Variants in IAH1 observed in about 807,000 individuals in gnomAD.
IAH1 encodes the protein isoamyl acetate hydrolyzing esterase 1 (putative), also known as isoamyl acetate-hydrolyzing esterase 1 homolog.
IAH1 carries 24 observed loss-of-function variants against 26.7 expected under a neutral mutation model. The ratio of observed to expected loss-of-function variants is 0.90; its 90% CI spans 0.65 to 1.26. IAH1 has a LOEUF of 1.26. Ranked by LOEUF, IAH1 falls within the 50% of genes most tolerant of loss-of-function variation. The pLI is 0.00. For synonymous variants in IAH1, 140 were observed against 118.5 expected (o/e 1.18, Z -1.18); for missense variants, 300 against 299.9 (o/e 1.00, Z 0.00).
At chr2:9,492,589 C>A (rs12473402), downstream of IAH1, among the ~76,000 whole-genome samples, 77,180 of 152,010 alleles carry the variant, frequency 0.51, 20,544 homozygotes, top group Middle Eastern at 0.67. Context: ...AAATGCTCTT[C>A]AATAAGGGCT....
chr2:9,491,040 C>A, downstream of IAH1: 2 of 1,495,716 alleles, frequency 1.3e-6, no homozygotes, highest in South Asian at 2.4e-5. Flanking sequence ...AGGTGAAGGT[C>A]TTTGCCTAAC....
chr2:9,491,248 T>C (rs1662118636), downstream of IAH1: 1 of 1,134,624 alleles, frequency 8.8e-7, no homozygotes, highest in South Asian at 1.5e-5. Context: ...ACTGAAGAAC[T>C]TAGAACCTGA....
At chr2:9,494,916 C>A (rs1465610528) in intron 6 of IAH1, 2 of 926,094 alleles carry the variant, frequency 2.2e-6, no homozygotes, top group Non-Finnish European at 3.1e-6. Context: ...ATAGCCCCCA[C>A]CAAGGAGTAG....
In IAH1 at chr2:9,488,578, CTA is replaced by C. The variant is rs1443870336; in HGVS notation, c.*251_*252del. 1.7e-4 allele frequency: 55 copies of C among 324,558 alleles called. No homozygotes were observed. The highest frequency in any genetic ancestry group is 1.0e-3 in the East Asian group (20 of 19,998). The allele number at this position is 324,558 out of a possible 1,614,324, so 20.1% of individuals were successfully genotyped here. A position where few individuals can be genotyped will look rare whatever the true frequency, so the allele number is the denominator to read the frequency against. On this transcript the variant is annotated 3_prime_UTR_variant, in exon 6 of 6. Coordinates refer to ENST00000497473, the MANE Select transcript of IAH1 (RefSeq NM_001039613.3). ...TTGTTAATTCTATAAATGACAAAGA[CTA>C]TGTTTTTAAAAAGTCACAATTTTAT...
the IAH1 span, among the ~76,000 whole-genome samples, chr2:9,507,853 C>T: frequency 6.6e-6 from 1 of 152,194 alleles, no homozygotes; most frequent in Admixed American, 6.5e-5. Flanking sequence ...GCTGGGACTA[C>T]AAGCATGTGC....
chr2:9,488,268 A>G lies in IAH1; in HGVS notation c.686A>G (p.Tyr229Cys), dbSNP rs768204444. 3 of 1,613,640 alleles carry G rather than the reference A, an allele frequency of 1.9e-6. No homozygotes were observed. The highest frequency in any genetic ancestry group is 2.5e-6 in the Non-Finnish European group (3 of 1,179,938). The change falls in exon 6 of 6, where the codon TAC becomes TGC. Residue 229 changes from tyrosine to cysteine, a missense_variant. Tyr to Cys is a radical substitution (Grantham distance 194). Transcript: ENST00000497473. Reference sequence around the variant, plus strand: ...TCTTCTCTACCTTTGCTGCTTCCTTACTGGCGGGATGTAGCAGAAGCAAAA... The same window carrying G: ...TCTTCTCTACCTTTGCTGCTTCCTTGCTGGCGGGATGTAGCAGAAGCAAAA... ...KVSSLPLLLP[Y>C]WRDVAEAKPE...
chr2:9,491,157 A>G, downstream of IAH1: 1 of 1,611,394 alleles, frequency 6.2e-7, no homozygotes, highest in East Asian at 2.2e-5. Context: ...TTATCCTAGA[A>G]AGAAACAGCA....
At chr2:9,502,806 G>A in the IAH1 span, among the ~76,000 whole-genome samples, 1 of 146,818 alleles carries the variant, frequency 6.8e-6, no homozygotes, top group Non-Finnish European at 1.5e-5. Context: ...CTGGACCCCG[G>A]AGACAGAGGT....
At chr2:9,478,173 A>T in intron 2 of IAH1, 49 bp from the exon 3 acceptor site, 1 of 1,546,904 alleles carries the variant, frequency 6.5e-7, no homozygotes, top group Non-Finnish European at 8.8e-7. Flanking sequence ...TACTGCGACC[A>T]TAAACACTTC....
chr2:9,477,416 G>A (rs997335386), intron 2 of IAH1, among the ~76,000 whole-genome samples: 3 of 152,162 alleles, frequency 2.0e-5, no homozygotes, highest in Admixed American at 6.5e-5. Context: ...AGCAAAGAGT[G>A]AAATGAGCCC....
downstream of IAH1, chr2:9,493,968 C>A: frequency 1.6e-6 from 1 of 620,594 alleles, no homozygotes; most frequent in Non-Finnish European, 2.8e-6. Context: ...CAATAACTTC[C>A]GCGTAATGAG....
At position 9,487,138 on chromosome 2, in the gene IAH1, G is replaced by A. The variant is rs1328592013; in HGVS notation, c.565-1009G>A. On this transcript the variant is annotated intron_variant, in intron 5 of 5. Coordinates refer to ENST00000497473, the MANE Select transcript of IAH1 (RefSeq NM_001039613.3). Reference sequence around the variant, plus strand: ...TGCCTGTAGTCCCAGCTGCTCAGGGGGCTGAGGTTAGAAAGATCGCTTGAG... The same window carrying A: ...TGCCTGTAGTCCCAGCTGCTCAGGGAGCTGAGGTTAGAAAGATCGCTTGAG... Among the ~76,000 whole-genome samples the A allele has an allele frequency of 2.6e-5, 4 of 152,192 alleles. No homozygotes were observed. In the East Asian group the frequency reaches 7.7e-4, roughly 29 times the overall value.
In IAH1 at chr2:9,488,541, A is replaced by C; in HGVS notation, c.*212A>C. The C allele has an allele frequency of 2.6e-6, 1 of 387,272 alleles. No individual in the cohort carries two copies. Among genetic ancestry groups the C allele is most frequent in the Non-Finnish European group, 4.6e-6 (1 of 219,636 alleles). 24.0% of individuals were successfully genotyped at this position (387,272 alleles called of 1,614,324 possible). On this transcript the variant is annotated 3_prime_UTR_variant, in exon 6 of 6. Coordinates refer to ENST00000497473, the MANE Select transcript of IAH1 (RefSeq NM_001039613.3). The stretch of plus-strand genomic sequence containing the variant: ...TATCAGTGCTACAGCTATAAAATAT[A>C]CCCTGAGCAGCTTGTTAATTCTATA...
In IAH1 at chr2:9,488,317, TGGAGACCATTAGCCAATCACA is replaced by T; in HGVS notation, c.743_*16del. On this transcript the variant is annotated stop_lost and 3_prime_UTR_variant, in exon 6 of 6. Transcript: ENST00000497473. ...AACCTGAATTAAGTCTGCTGGGAGA[TGGAGACCATTAGCCAATCACA>T]GGAGACCCAAATCTGCTTGTTATCT... is the stretch of plus-strand genomic sequence containing the variant. The T allele has an allele frequency of 6.2e-7, 1 of 1,605,072 alleles. No individual in the cohort carries two copies. Among genetic ancestry groups the T allele is most frequent in the Non-Finnish European group, 8.5e-7 (1 of 1,176,994 alleles).
At chr2:9,492,968 T>G, downstream of IAH1, 1 of 1,611,508 alleles carries the variant, frequency 6.2e-7, no homozygotes, top group South Asian at 1.1e-5. Context: ...CCCAACGATG[T>G]TGTCTGCTAA....
chr2:9,505,292 C>T, the IAH1 span: 13 of 1,613,950 alleles, frequency 8.1e-6, no homozygotes, highest in Middle Eastern at 1.6e-4. Flanking sequence ...TTTATTGCTG[C>T]GTTCTTGAAA....
the IAH1 span, among the ~76,000 whole-genome samples, chr2:9,501,596 G>A: frequency 5.7e-4 from 87 of 152,340 alleles, no homozygotes; most frequent in Admixed American, 1.8e-3. Flanking sequence ...GTCCCCAACA[G>A]TGAAATACAT....
At position 9,474,680 on chromosome 2, in the gene IAH1, C is replaced by A; in HGVS notation, c.81+33C>A. On this transcript the variant is annotated intron_variant, in intron 1 of 5. Transcript: ENST00000497473. The surrounding 1 kb of genome is among the most constrained non-coding windows in gnomAD (Gnocchi z 4.3). ...CGCCCCGACGCTCGGCCTCCCGCCC[C>A]GGCCTCCCTGCGGGGTCGCTGCCGA... is the stretch of plus-strand genomic sequence containing the variant. 2 of 1,480,452 alleles carry A rather than the reference C, an allele frequency of 1.4e-6. No homozygotes were observed. Among genetic ancestry groups the A allele is most frequent in the East Asian group, 2.7e-5 (1 of 37,176 alleles). The allele number at this position is 1,480,452 out of a possible 1,614,324, so 91.7% of individuals were successfully genotyped here.
Position 9,474,553 on chromosome 2 carries a change from C to A in IAH1, c.-14C>A. ...CGTGGCTGGCGGCCCCGCCCCGCCC[C>A]GCCCGGCTGCTCCATGGCGCTGTGC... On this transcript the variant is annotated 5_prime_UTR_variant, in exon 1 of 6. Coordinates refer to ENST00000497473, the MANE Select transcript of IAH1 (RefSeq NM_001039613.3). The surrounding 1 kb of genome is among the most constrained non-coding windows in gnomAD (Gnocchi z 4.3). 3 of 1,463,830 alleles carry A rather than the reference C, an allele frequency of 2.0e-6. No homozygotes were observed. Among genetic ancestry groups the A allele is most frequent in the Non-Finnish European group, 1.8e-6 (2 of 1,111,000 alleles). The allele number at this position is 1,463,830 out of a possible 1,614,324, so 90.7% of individuals were successfully genotyped here.
Sources: allele counts gnomAD v4.1 joint callset (sites outside exome capture counted in the v4.1 genomes callset), GRCh38; gene constraint gnomAD v4.1.1; non-coding constraint Gnocchi (gnomAD v3.1); transcripts MANE v1.5; gene names NCBI Gene and HGNC (gene_info 2026-07-23, HGNC 2026-07-21).